UNC13C: variants seen among roughly 807,000 people sequenced by gnomAD.
The protein encoded by UNC13C is unc-13 homolog C.
Under a neutral mutation model 245.4 loss-of-function variants are expected in UNC13C, and 174 were observed. That is an observed-to-expected ratio of 0.71 (90% CI 0.63 to 0.80). The LOEUF (loss-of-function observed/expected upper bound fraction) is 0.80. Ranked by LOEUF, UNC13C falls within the 30% of genes least tolerant of loss-of-function variation. The probability of loss-of-function intolerance (pLI) is 0.00; values close to 1 mark genes in which losing one functional copy is unlikely to be tolerated. For missense variants in UNC13C, 2,829 were observed against 2,602.9 expected, an observed-to-expected ratio of 1.09 and a Z score of -1.89; for synonymous variants, 992 against 895.1, an observed-to-expected ratio of 1.11 and a Z score of -1.93.
intron 2 of UNC13C, among the ~76,000 whole-genome samples, chr15:54,018,653 C>T (rs1595721912): frequency 1.3e-5 from 2 of 152,268 alleles, no homozygotes; most frequent in Admixed American, 6.5e-5. Context: ...GATGGTGACT[C>T]TCTGATCCCC....
intron 2 of UNC13C, among the ~76,000 whole-genome samples, chr15:54,058,875 G>A (rs371951561): frequency 4.7e-4 from 71 of 152,150 alleles, no homozygotes; most frequent in South Asian, 3.1e-3. Flanking sequence ...TGATTATCTC[G>A]ATAGATGCAG....
chr15:54,457,552 TA>T (rs1891599010), intron 19 of UNC13C, among the ~76,000 whole-genome samples: 1 of 152,104 alleles, frequency 6.6e-6, no homozygotes. Context: ...TTAGTCTTGC[TA>T]CTTGTTCTTG....
At chr15:54,448,675 C>T (rs139828212) in intron 19 of UNC13C, among the ~76,000 whole-genome samples, 4,494 of 152,166 alleles carry the variant, frequency 0.03, 179 homozygotes, top group Admixed American at 0.12. Context: ...TGTCTCTGCA[C>T]GTGTGATGGG....
At position 54,546,709 on chromosome 15, in the gene UNC13C, A is replaced by AT. The variant is rs746243767; in HGVS notation, c.5697-4dup. 850 of 1,373,410 alleles carry AT rather than the reference A, an allele frequency of 6.2e-4. 1 individual carries two copies. Among genetic ancestry groups the AT allele is most frequent in the Middle Eastern group, 1.8e-3 (7 of 3,966 alleles). The allele number at this position is 1,373,410 out of a possible 1,614,324, so 85.1% of individuals were successfully genotyped here. ...AATTTAAAAGTGAATATATATATATATTTTTTTTTCAGATTAAGTCTCTCA... is the reference window on the plus strand; with the variant it reads ...AATTTAAAAGTGAATATATATATATATTTTTTTTTTCAGATTAAGTCTCTCA... On this transcript the variant is annotated splice_polypyrimidine_tract_variant and intron_variant, in intron 26 of 32. Transcript: ENST00000260323.
rs368158700 is a variant in UNC13C at position 53,989,398 on chromosome 15, G to A, written c.-257+10471G>A. Among the ~76,000 whole-genome samples, 8 of 150,810 alleles carry A rather than the reference G, an allele frequency of 5.3e-5. No homozygotes were observed. In the East Asian group the frequency reaches 1.2e-3, roughly 22 times the overall value. On this transcript the variant is annotated intron_variant, in intron 1 of 32. Coordinates refer to ENST00000260323, the MANE Select transcript of UNC13C (RefSeq NM_001080534.3). ...GAAATCATAGCCTGGTAGGAAATTCGTGGATTTAAAAAAAAAAAGAAAAAA... is the reference window on the plus strand; with the variant it reads ...GAAATCATAGCCTGGTAGGAAATTCATGGATTTAAAAAAAAAAAGAAAAAA...
intron 19 of UNC13C, among the ~76,000 whole-genome samples, chr15:54,478,094 C>A (rs1040516394): frequency 6.6e-5 from 10 of 151,628 alleles, no homozygotes; most frequent in Non-Finnish European, 8.8e-5. Context: ...AGTTTATTTG[C>A]GTAGAGGTGT....
intron 7 of UNC13C, among the ~76,000 whole-genome samples, chr15:54,245,621 A>G (rs559979230): frequency 1.6e-4 from 24 of 152,164 alleles, no homozygotes; most frequent in African/African-American, 5.8e-4. Context: ...ATTTTATCCT[A>G]GCATTGCTCT....
intron 7 of UNC13C, among the ~76,000 whole-genome samples, chr15:54,242,379 T>C (rs902997243): frequency 6.6e-6 from 1 of 152,148 alleles, no homozygotes; most frequent in Non-Finnish European, 1.5e-5. Context: ...ACAATTTATA[T>C]TTTTTCAGCA....
Position 54,339,659 on chromosome 15 carries a change from A to G in UNC13C, c.4713+1170A>G, listed in dbSNP as rs924209890. Reference sequence around the variant, plus strand: ...TGTGGAGATATATATATATATATATATATATCACAGTTTGTTTATTCACTC... The same window carrying G: ...TGTGGAGATATATATATATATATATGTATATCACAGTTTGTTTATTCACTC... On this transcript the variant is annotated intron_variant, in intron 17 of 32. Coordinates refer to ENST00000260323, the MANE Select transcript of UNC13C (RefSeq NM_001080534.3). Among the ~76,000 whole-genome samples, 41 of 128,950 alleles carry G rather than the reference A, an allele frequency of 3.2e-4. 1 individual carries two copies. The Admixed American group carries it at 3.4e-3, about 11-fold the overall frequency. The allele number at this position is 128,950 out of a possible 152,430, so 84.6% of individuals were successfully genotyped here. A position where few individuals can be genotyped will look rare whatever the true frequency, so the allele number is the denominator to read the frequency against.
At chr15:54,078,826 T>G (rs1898777887) in intron 2 of UNC13C, among the ~76,000 whole-genome samples, 1 of 152,008 alleles carries the variant, frequency 6.6e-6, no homozygotes, top group Non-Finnish European at 1.5e-5. Context: ...TAAGTTCCAT[T>G]TGTCTATTTT....
intron 25 of UNC13C, among the ~76,000 whole-genome samples, chr15:54,527,585 T>A (rs924795084): frequency 6.6e-6 from 1 of 152,204 alleles, no homozygotes; most frequent in Non-Finnish European, 1.5e-5. Flanking sequence ...GGCTAGAATA[T>A]GTTTTCTGAT....
rs138472464 is a variant in UNC13C at position 54,591,794 on chromosome 15, T to C, written c.6106+23847T>C. ...TTTGTATATTTGTTTCAATTGCATT[T>C]AGTACTGCTCTGATGTTGGTTATTT... On this transcript the variant is annotated intron_variant, in intron 30 of 32. Transcript: ENST00000260323. Among the ~76,000 whole-genome samples the C allele has an allele frequency of 1.6e-4, 24 of 152,248 alleles. No individual in the cohort carries two copies. The East Asian group carries it at 3.9e-3, about 24-fold the overall frequency.
At chr15:54,198,551 C>T (rs2034428437) in intron 4 of UNC13C, among the ~76,000 whole-genome samples, 1 of 152,160 alleles carries the variant, frequency 6.6e-6, no homozygotes, top group Non-Finnish European at 1.5e-5. Flanking sequence ...TGCTGACACT[C>T]CCCAGTACCA....
chr15:53,899,815 G>A, the UNC13C span, among the ~76,000 whole-genome samples: 1 of 151,992 alleles, frequency 6.6e-6, no homozygotes, highest in African/African-American at 2.4e-5. Flanking sequence ...TGCCTGCCTC[G>A]GCTTCCCAAA....
chr15:54,047,070 T>C (rs1431453434), intron 2 of UNC13C, among the ~76,000 whole-genome samples: 1 of 152,088 alleles, frequency 6.6e-6, no homozygotes, highest in Non-Finnish European at 1.5e-5. Flanking sequence ...GCGGTATTTA[T>C]TTTTTAAAAA....
At chr15:54,145,615 A>G (rs1048866053) in intron 4 of UNC13C, among the ~76,000 whole-genome samples, 12 of 152,254 alleles carry the variant, frequency 7.9e-5, no homozygotes, top group Non-Finnish European at 5.9e-5. Context: ...TAAGTTGACC[A>G]GCAATAATAA....
intron 10 of UNC13C, among the ~76,000 whole-genome samples, chr15:54,286,397 A>G (rs899683765): frequency 6.6e-6 from 1 of 152,188 alleles, no homozygotes; most frequent in African/African-American, 2.4e-5. Flanking sequence ...TAGCCCAACT[A>G]TAAGTGCAGT....
chr15:54,110,548 GT>G (rs1900715660), intron 2 of UNC13C, among the ~76,000 whole-genome samples: 1 of 152,180 alleles, frequency 6.6e-6, no homozygotes, highest in Non-Finnish European at 1.5e-5. Context: ...GCATTTTGTG[GT>G]TGTTGGTTTC....
chr15:54,204,737 A>G (rs1435938429), intron 4 of UNC13C, among the ~76,000 whole-genome samples: 5 of 152,040 alleles, frequency 3.3e-5, no homozygotes, highest in African/African-American at 1.2e-4. Context: ...AGACAGAGTC[A>G]TGTTGAGGAA....
Sources: allele counts gnomAD v4.1 joint callset (sites outside exome capture counted in the v4.1 genomes callset), GRCh38; gene constraint gnomAD v4.1.1; transcripts MANE v1.5; gene names NCBI Gene and HGNC (gene_info 2026-07-23, HGNC 2026-07-21).